ITGA7: variants seen among roughly 807,000 people sequenced by gnomAD.
ITGA7 encodes the protein integrin alpha-7.
A neutral mutation model predicts 131.6 loss-of-function variants in ITGA7; 84 were observed. The ratio of observed to expected loss-of-function variants is 0.64; its 90% CI spans 0.54 to 0.77. The LOEUF is 0.77. Ranked by LOEUF, ITGA7 falls within the 30% of genes least tolerant of loss-of-function variation. The pLI, the probability that ITGA7 is intolerant of heterozygous loss-of-function variation, is 0.00. For synonymous variants in ITGA7, 548 were observed against 600.7 expected (o/e 0.91, Z 1.28); for missense variants, 1,399 against 1,482.9 (o/e 0.94, Z 0.93).
At chr12:55,704,956 G>A (rs772031124) in intron 1 of ITGA7, among the ~76,000 whole-genome samples, 7 of 152,166 alleles carry the variant, frequency 4.6e-5, no homozygotes, top group Non-Finnish European at 8.8e-5. Flanking sequence ...TCTGAGTGTC[G>A]GGGCTGTCTT....
At chr12:55,702,691 T>G (rs1347203719) in intron 3 of ITGA7, 181 bp downstream of exon 3, 2 of 651,190 alleles carry the variant, frequency 3.1e-6, no homozygotes, top group Non-Finnish European at 5.5e-6. Flanking sequence ...TGGACAGACA[T>G]TTTTACATTT....
intron 1 of ITGA7, among the ~76,000 whole-genome samples, chr12:55,704,679 A>C (rs779954538): frequency 1.3e-5 from 2 of 152,210 alleles, no homozygotes; most frequent in Non-Finnish European, 2.9e-5. Context: ...CTTGTCTTTC[A>C]GATGAGAAAA....
At chr12:55,696,254 C>G (rs7974721) in intron 13 of ITGA7, 29 bp downstream of exon 13, 1 of 1,551,242 alleles carries the variant, frequency 6.4e-7, no homozygotes, top group Non-Finnish European at 8.7e-7. Flanking sequence ...CAGCTCCTCC[C>G]CCTGGGCTAA....
In ITGA7 at chr12:55,692,708, G is replaced by C. The variant is rs541749524; in HGVS notation, c.2844+136C>G. 14 of 1,164,976 alleles carry C rather than the reference G, an allele frequency of 1.2e-5. No homozygotes were observed. In the African/African-American group the frequency reaches 1.8e-4, roughly 15 times the overall value. The allele number at this position is 1,164,976 out of a possible 1,614,324, so 72.2% of individuals were successfully genotyped here. On this transcript the variant is annotated intron_variant, in intron 21 of 24. Coordinates refer to ENST00000257879, the MANE Select transcript of ITGA7 (RefSeq NM_002206.3). ...TCTGCAGTGTCAGTAGCTGCCTCCC[G>C]GGCACCCCCTCCTATGAATTGTGAT...
intron 19 of ITGA7, among the ~76,000 whole-genome samples, 198 bp from the exon 20 acceptor site, chr12:55,693,515 C>T (rs1164695791): frequency 6.6e-6 from 1 of 151,884 alleles, no homozygotes; most frequent in African/African-American, 2.4e-5. Flanking sequence ...ACTCAGCTTT[C>T]AAGTGGATCC....
At chr12:55,693,368 T>G (rs1444983393) in intron 19 of ITGA7, 51 bp from the exon 20 acceptor site, 1 of 1,523,454 alleles carries the variant, frequency 6.6e-7, no homozygotes, top group Admixed American at 1.8e-5. Context: ...TTCTTTTTTT[T>G]TTTTTTTTAA....
At chr12:55,712,549 G>C (rs902081604), upstream of ITGA7, 26 of 527,124 alleles carry the variant, frequency 4.9e-5, no homozygotes, top group Non-Finnish European at 8.4e-5. Flanking sequence ...GTGAAGAAAG[G>C]AGTGTGGAGT....
At chr12:55,716,294 C>A, upstream of ITGA7, 2 of 1,514,540 alleles carry the variant, frequency 1.3e-6, no homozygotes, top group Non-Finnish European at 1.8e-6. Context: ...CAGGGAAAGA[C>A]GCCAGCTAGC....
In ITGA7 at chr12:55,693,432, T is replaced by G. The variant is rs979273280; in HGVS notation, c.2536-115A>C. 3.2e-6 allele frequency: 3 copies of G among 951,702 alleles called. No individual in the cohort carries two copies. In the African/African-American group the frequency reaches 5.0e-5, roughly 16 times the overall value. 59.0% of individuals were successfully genotyped at this position (951,702 alleles called of 1,614,324 possible). A position where few individuals can be genotyped will look rare whatever the true frequency, so the allele number is the denominator to read the frequency against. On this transcript the variant is annotated intron_variant, in intron 19 of 24. Transcript: ENST00000257879. ...CCAGGCTTGTCTCTAACTCCTGGGC[T>G]CAAGTGATCCTGCCACCTTGGCCTC...
Position 55,694,446 on chromosome 12 carries a change from G to A in ITGA7, c.2354C>T (p.Ala785Val). The A allele has an allele frequency of 1.2e-6, 2 of 1,614,154 alleles. No homozygotes were observed. Among genetic ancestry groups the A allele is most frequent in the Non-Finnish European group, 1.7e-6 (2 of 1,179,994 alleles). The change falls in exon 17 of 25, where the codon GCC becomes GTC. Residue 785 changes from alanine to valine, a missense_variant. Ala to Val is a moderately conservative substitution (Grantham distance 64, BLOSUM62 0). Transcript: ENST00000257879. This position sits in a 1 kb window ranked among gnomAD's most constrained non-coding sequence, Gnocchi z 5.3. Reference protein sequence around the residue: ...TTELEVELLLATISEQELHPV... With the variant: ...TTELEVELLLVTISEQELHPV... ...CTTCCGGCCCCGCCTGGCTTACGTG[G>A]CCAACAGCAGCTCTACCTCCAGTTC...
At chr12:55,686,306 G>A (rs745852865) in intron 24 of ITGA7, 2 of 1,337,384 alleles carry the variant, frequency 1.5e-6, no homozygotes, top group Non-Finnish European at 9.9e-7. Flanking sequence ...TCCGATGGAA[G>A]AAGCCACACT....
At chr12:55,686,046 T>C (rs900348648) in intron 24 of ITGA7, among the ~76,000 whole-genome samples, 1 of 152,204 alleles carries the variant, frequency 6.6e-6, no homozygotes, top group Non-Finnish European at 1.5e-5. Flanking sequence ...CCCTTATATC[T>C]GCACCCTTCT....
At chr12:55,701,220 C>A in intron 3 of ITGA7, 66 bp from the exon 4 acceptor site, 3 of 1,611,220 alleles carry the variant, frequency 1.9e-6, no homozygotes, top group Non-Finnish European at 2.5e-6. Flanking sequence ...GGCATGCTGC[C>A]CATATGCAGA....
intron 4 of ITGA7, chr12:55,700,338 G>A (rs375762415): frequency 2.4e-4 from 379 of 1,610,542 alleles, no homozygotes; most frequent in Non-Finnish European, 2.9e-4. Flanking sequence ...AGGGACCGTC[G>A]TCCAGGTGTG....
rs149000088 is a variant in ITGA7 at position 55,701,110 on chromosome 12, G to C, written c.459C>G (p.Ile153Met). Residue 153 changes from isoleucine to methionine, a missense_variant, in exon 4 of 25, where the codon ATC (isoleucine) becomes ATG (methionine). Physicochemically the swap from Ile to Met is conservative, Grantham distance 10. Coordinates refer to ENST00000257879, the MANE Select transcript of ITGA7 (RefSeq NM_002206.3). ...GACCAATCATATCCCGCGTCTCCAGGATCTGGTCCACTCGCTGCCTTGCCT... is the reference window on the plus strand; with the variant it reads ...GACCAATCATATCCCGCGTCTCCAGCATCTGGTCCACTCGCTGCCTTGCCT... Reference protein sequence around the residue: ...RYEARQRVDQILETRDMIGRC... With the variant: ...RYEARQRVDQMLETRDMIGRC... 1.1e-3 allele frequency: 1,804 copies of C among 1,614,234 alleles called. 18 individuals carry two copies. The African/African-American group carries it at 0.021, about 19-fold the overall frequency.
chr12:55,695,739 A>G (rs1872510958), intron 13 of ITGA7, 102 bp from the exon 14 acceptor site: 1 of 796,904 alleles, frequency 1.3e-6, no homozygotes. Context: ...GGATTAAACA[A>G]CCTGTCCTCA....
At chr12:55,693,956 C>G (rs1170543173) in intron 19 of ITGA7, 65 bp downstream of exon 19, 1 of 1,321,396 alleles carries the variant, frequency 7.6e-7, no homozygotes, top group African/African-American at 1.5e-5. Flanking sequence ...GGGGACACAG[C>G]TCAGCCTCTC....
Position 55,696,290 on chromosome 12 carries a change from C to A in ITGA7, c.1880G>T (p.Arg627Leu), listed in dbSNP as rs865966473. 6.4e-7 allele frequency: 1 copy of A among 1,572,138 alleles called. No individual in the cohort carries two copies. ...ACCAGAACCCATGCTCACCTCTGCCCGCTGGGTGCTGGGCTGGTGGGCATT... is the reference window on the plus strand; with the variant it reads ...ACCAGAACCCATGCTCACCTCTGCCAGCTGGGTGCTGGGCTGGTGGGCATT... Reference protein sequence around the residue: ...ILNAHQPSTQRAEIHFLKQGC... With the variant: ...ILNAHQPSTQLAEIHFLKQGC... The change falls in exon 13 of 25, where the codon CGG (arginine) becomes CTG (leucine). Residue 627 changes from arginine (R) to leucine (L), a missense_variant. By Grantham distance (102) the Arg-to-Leu change is moderately radical. Coordinates refer to ENST00000257879, the MANE Select transcript of ITGA7 (RefSeq NM_002206.3).
chr12:55,701,423 G>A (rs1211289077), intron 3 of ITGA7: 2 of 1,551,558 alleles, frequency 1.3e-6, no homozygotes, highest in Admixed American at 3.9e-5. Flanking sequence ...CATTCTGCCT[G>A]GAGCCAAAAG....
Sources: allele counts gnomAD v4.1 joint callset (sites outside exome capture counted in the v4.1 genomes callset), GRCh38; gene constraint gnomAD v4.1.1; non-coding constraint Gnocchi (gnomAD v3.1); transcripts MANE v1.5; gene names NCBI Gene and HGNC (gene_info 2026-07-23, HGNC 2026-07-21).